PSMD12: variants seen among roughly 807,000 people sequenced by gnomAD.
PSMD12 encodes the protein 26S proteasome non-ATPase regulatory subunit 12.
Under a neutral mutation model 62.9 loss-of-function variants are expected in PSMD12, and 8 were observed. The ratio of observed to expected loss-of-function variants is 0.13; its 90% CI spans 0.07 to 0.23. The LOEUF is 0.23. PSMD12 is among the 10% of genes least tolerant of loss of function. The probability of loss-of-function intolerance (pLI) is 1.00; values close to 1 mark genes in which losing one functional copy is unlikely to be tolerated. For synonymous variants in PSMD12, 173 were observed against 187.4 expected (o/e 0.92, Z 0.63); for missense variants, 424 against 550.2 (o/e 0.77, Z 2.29).
At chr17:67,360,571 T>G (rs2042119983) in intron 1 of PSMD12, among the ~76,000 whole-genome samples, 1 of 152,194 alleles carries the variant, frequency 6.6e-6, no homozygotes, top group Non-Finnish European at 1.5e-5. Context: ...GTCTATACTG[T>G]TCATCACTGC....
intron 5 of PSMD12, among the ~76,000 whole-genome samples, chr17:67,348,291 T>C (rs1954057533): frequency 1.3e-5 from 2 of 152,202 alleles, no homozygotes; most frequent in Non-Finnish European, 2.9e-5. Context: ...GCAATGAGTA[T>C]TTTATTGTTT....
rs1199157442 is a variant in PSMD12, at chr17:67,340,165, T to C, written c.*678A>G. The C allele has an allele frequency of 1.3e-5, 2 of 148,600 alleles. No individual in the cohort carries two copies. Among genetic ancestry groups the C allele is most frequent in the African/African-American group, 2.5e-5 (1 of 40,318 alleles). The allele number at this position is 148,600 out of a possible 1,614,324, so 9.2% of individuals were successfully genotyped here. On this transcript the variant is annotated 3_prime_UTR_variant, in exon 11 of 11. Transcript: ENST00000356126. ...AACACCCAATAAACTGTGTCAATTA[T>C]GTCAGCTGATTCTGTTGAACAACTG...
intron 4 of PSMD12, among the ~76,000 whole-genome samples, chr17:67,349,597 T>C (rs759770795): frequency 2.6e-5 from 4 of 152,244 alleles, no homozygotes; most frequent in Non-Finnish European, 4.4e-5. Flanking sequence ...GTGTGTTATA[T>C]GTAGTCCAAT....
rs761285203 is a variant in PSMD12, at chr17:67,348,544, C to A, written c.510+6G>T. The A allele has an allele frequency of 6.2e-7, 1 of 1,607,714 alleles. No individual in the cohort carries two copies. Among genetic ancestry groups the A allele is most frequent in the Admixed American group, 1.7e-5 (1 of 59,830 alleles). On this transcript the variant is annotated splice_donor_region_variant and intron_variant, in intron 5 of 10. Transcript: ENST00000356126. ...GTTTTACCAACTCTAAAATGCAATA[C>A]CTTACCTGTAACTCCTGTAAAATGG...
intron 1 of PSMD12, among the ~76,000 whole-genome samples, chr17:67,364,169 CA>C (rs1221118217): frequency 1.3e-5 from 2 of 151,360 alleles, no homozygotes; most frequent in Admixed American, 1.3e-4. Flanking sequence ...TATCAAAAAA[CA>C]AACAAAAAAA....
chr17:67,340,634 G>C lies in PSMD12; in HGVS notation c.*209C>G, dbSNP rs181580412. 199 of 435,462 alleles carry C rather than the reference G, an allele frequency of 4.6e-4. No individual in the cohort carries two copies. The East Asian group carries it at 7.0e-3, about 15-fold the overall frequency. 27.0% of individuals were successfully genotyped at this position (435,462 alleles called of 1,614,324 possible). ...GACACAACTTTTTGTGTATTCAGACGACAGAAATCTGTATTTTTGCACCAA... is the reference window on the plus strand; with the variant it reads ...GACACAACTTTTTGTGTATTCAGACCACAGAAATCTGTATTTTTGCACCAA... On this transcript the variant is annotated 3_prime_UTR_variant, in exon 11 of 11. Transcript: ENST00000356126.
In PSMD12 at chr17:67,338,455, A is replaced by C. The variant is rs1432027684; in HGVS notation, c.*2388T>G. ...TTAATGTTTGACAGGAAAAAACACG[A>C]AATGGATGAACAGCTGATCGAGTCG... is the stretch of plus-strand genomic sequence containing the variant. On this transcript the variant is annotated 3_prime_UTR_variant, in exon 11 of 11. Coordinates refer to ENST00000356126, the MANE Select transcript of PSMD12 (RefSeq NM_002816.5). The C allele has an allele frequency of 2.6e-5, 4 of 152,280 alleles. No homozygotes were observed. The highest frequency in any genetic ancestry group is 5.9e-5 in the Non-Finnish European group (4 of 68,052). 9.4% of individuals were successfully genotyped at this position (152,280 alleles called of 1,614,324 possible).
chr17:67,348,636 G>C lies in PSMD12; in HGVS notation c.424C>G (p.Arg142Gly). The change falls in exon 5 of 11, where the codon CGT (arginine) becomes GGT (glycine). Residue 142 changes from arginine (R) to glycine (G), a missense_variant. Transcript: ENST00000356126. ...GCTAATGTTTTAGTCAGTCGCGCAC[G>C]CTCAATTTCAACATAAATCTACAAA... ...TEGKIYVEIERARLTKTLATI... is the reference protein window; with the variant it reads ...TEGKIYVEIEGARLTKTLATI... 1 of 1,609,230 alleles carries C rather than the reference G, an allele frequency of 6.2e-7. No homozygotes were observed. Among genetic ancestry groups the C allele is most frequent in the Non-Finnish European group, 8.5e-7 (1 of 1,178,770 alleles).
At chr17:67,363,619 G>T (rs2042153833) in intron 1 of PSMD12, among the ~76,000 whole-genome samples, 1 of 152,146 alleles carries the variant, frequency 6.6e-6, no homozygotes, top group African/African-American at 2.4e-5. Context: ...AAAATAACAA[G>T]ACGTTCTTCA....
chr17:67,341,760 G>A (rs62085999), intron 10 of PSMD12, among the ~76,000 whole-genome samples: 34,399 of 152,042 alleles, frequency 0.23, 4,115 homozygotes, highest in Middle Eastern at 0.29. Context: ...TATGTACCAC[G>A]GACAAGACAC....
At chr17:67,348,474 T>C in intron 5 of PSMD12, 76 bp downstream of exon 5, 5 of 1,181,256 alleles carry the variant, frequency 4.2e-6, no homozygotes, top group Non-Finnish European at 6.2e-6. Context: ...GGATAAGGGA[T>C]ACTCAACCTA....
chr17:67,349,791 T>C (rs949269535), intron 4 of PSMD12, among the ~76,000 whole-genome samples: 1 of 152,168 alleles, frequency 6.6e-6, no homozygotes, highest in Non-Finnish European at 1.5e-5. Context: ...CTAAAGCACC[T>C]AGTGAATGAA....
In PSMD12 at chr17:67,346,768, A is replaced by AT. The variant is rs1220402374; in HGVS notation, c.795+347dup. ...ACAAATGTATAAAGAAAAAGTTCTT[A>AT]TAACAAGTTAGCAGTATAAATGTGG... On this transcript the variant is annotated intron_variant, in intron 7 of 10. Coordinates refer to ENST00000356126, the MANE Select transcript of PSMD12 (RefSeq NM_002816.5). 1.2e-4 allele frequency among the ~76,000 whole-genome samples: 18 copies of AT among 152,348 alleles called. 1 individual carries two copies. Among genetic ancestry groups the AT allele is most frequent in the African/African-American group, 3.8e-4 (16 of 41,592 alleles).
chr17:67,358,098 T>C lies in PSMD12; in HGVS notation c.109-520A>G, dbSNP rs1279134342. On this transcript the variant is annotated intron_variant, in intron 1 of 10. Transcript: ENST00000356126. ...CACCACACCCGGCTAATTTTTGTTG[T>C]TTTTTGTAGAGATGGGCTTTCACCA... 8.6e-5 allele frequency among the ~76,000 whole-genome samples: 13 copies of C among 152,046 alleles called. No individual in the cohort carries two copies. The East Asian group carries it at 2.3e-3, about 27-fold the overall frequency.
At position 67,344,741 on chromosome 17, in the gene PSMD12, A is replaced by T; in HGVS notation, c.948T>A (p.Arg316=). Residue 316 remains arginine, a synonymous_variant, in exon 9 of 11, where the codon CGT becomes CGA. Coordinates refer to ENST00000356126, the MANE Select transcript of PSMD12 (RefSeq NM_002816.5). ...CATAGTCCTCAACAAGTGTGGACCA[A>T]CGCATCAACTCCATTGTGGTAAAAA... ...LKLFTTMELM[R]WSTLVEDYGM... The T allele has an allele frequency of 6.2e-7, 1 of 1,608,466 alleles. No homozygotes were observed. Among genetic ancestry groups the T allele is most frequent in the South Asian group, 1.1e-5 (1 of 90,150 alleles).
At chr17:67,355,119 G>A (rs2042056319) in intron 3 of PSMD12, among the ~76,000 whole-genome samples, 1 of 133,000 alleles carries the variant, frequency 7.5e-6, no homozygotes, top group Non-Finnish European at 1.6e-5. Context: ...GGAGACAAGA[G>A]TCTCATCCTG....
At chr17:67,342,939 CAA>C (rs11366514) in intron 9 of PSMD12, among the ~76,000 whole-genome samples, 33 of 102,552 alleles carry the variant, frequency 3.2e-4, no homozygotes, top group African/African-American at 2.6e-4. Flanking sequence ...GACTCTCTTT[CAA>C]AAAAAAAAAA....
intron 3 of PSMD12, among the ~76,000 whole-genome samples, chr17:67,355,818 C>G (rs917618434): frequency 6.6e-6 from 1 of 152,070 alleles, no homozygotes; most frequent in African/African-American, 2.4e-5. Flanking sequence ...AATAGTCTCT[C>G]TAAAAATGGC....
chr17:67,345,150 A>G (rs1196577713), intron 8 of PSMD12, among the ~76,000 whole-genome samples: 1 of 152,242 alleles, frequency 6.6e-6, no homozygotes, highest in East Asian at 1.9e-4. Flanking sequence ...GCTCTAAACT[A>G]CTAATGATGA....
Sources: gnomAD v4.1 joint callset for allele counts (sites outside exome capture counted in the v4.1 genomes callset) on GRCh38, gnomAD v4.1.1 for gene constraint, MANE v1.5 for transcripts, NCBI Gene and HGNC (gene_info 2026-07-23, HGNC 2026-07-21) for gene names.